Variants in ARPC5L observed in about 807,000 individuals in gnomAD.
The protein encoded by ARPC5L is actin-related protein 2/3 complex subunit 5-like protein.
A neutral mutation model predicts 16.9 loss-of-function variants in ARPC5L; 4 were observed. That is an observed-to-expected ratio of 0.24 (90% CI 0.12 to 0.54). The LOEUF (loss-of-function observed/expected upper bound fraction) is 0.54. Ranked by LOEUF, ARPC5L falls within the 20% of genes least tolerant of loss-of-function variation. The pLI is 0.95. For synonymous variants in ARPC5L, 78 were observed against 82.6 expected (o/e 0.94, Z 0.30); for missense variants, 151 against 201.9 (o/e 0.75, Z 1.53).
chr9:124,864,710 G>T (rs1356622450), intron 2 of ARPC5L, among the ~76,000 whole-genome samples: 3 of 151,478 alleles, frequency 2.0e-5, no homozygotes, highest in African/African-American at 7.3e-5. Flanking sequence ...ACGGGGTTTC[G>T]CCAGGGTGGT....
In ARPC5L at chr9:124,862,199, A is replaced by C. The variant is rs531793174; in HGVS notation, c.-1183A>C. The C allele has an allele frequency of 7.4e-6, 3 of 406,942 alleles. No homozygotes were observed. The South Asian group carries it at 1.9e-4, about 26-fold the overall frequency. The allele number at this position is 406,942 out of a possible 1,614,324, so 25.2% of individuals were successfully genotyped here. ...GCGCAGTTGGGGAAACCGAGGCCCA[A>C]CGTGGGCGGCAGCTACCAGAGATGG... On this transcript the variant is annotated 5_prime_UTR_variant, in exon 1 of 6. Coordinates refer to ENST00000353214, the MANE Select transcript of ARPC5L (RefSeq NM_030978.3).
chr9:124,877,062 C>A lies in ARPC5L; in HGVS notation c.*122C>A. ...AAGTAAACTATTTCAGGACATGTAT[C>A]TGCTGAAATGTATTTTATTTTCAAG... On this transcript the variant is annotated 3_prime_UTR_variant, in exon 6 of 6. Coordinates refer to ENST00000353214, the MANE Select transcript of ARPC5L (RefSeq NM_030978.3). The A allele has an allele frequency of 1.4e-6, 1 of 727,418 alleles. No homozygotes were observed. 45.1% of individuals were successfully genotyped at this position (727,418 alleles called of 1,614,324 possible). A position where few individuals can be genotyped will look rare whatever the true frequency, so the allele number is the denominator to read the frequency against.
chr9:124,873,963 C>A (rs529644021), intron 4 of ARPC5L, among the ~76,000 whole-genome samples, 199 bp downstream of exon 4: 1 of 152,292 alleles, frequency 6.6e-6, no homozygotes, highest in East Asian at 1.9e-4. Context: ...TATACGAGAA[C>A]CTCCCCACAG....
intron 3 of ARPC5L, chr9:124,873,463 G>A (rs1273579202): frequency 1.2e-5 from 7 of 577,100 alleles, no homozygotes; most frequent in Non-Finnish European, 1.6e-5. Flanking sequence ...TTGCTTTGAC[G>A]TGGAAGGTAG....
intron 1 of ARPC5L, 56 bp from the exon 2 acceptor site, chr9:124,863,932 C>T (rs1829237469): frequency 2.0e-5 from 3 of 152,246 alleles, no homozygotes; most frequent in Non-Finnish European, 4.4e-5. Flanking sequence ...GCAATCCTTT[C>T]CTTAGCCCCA....
chr9:124,874,707 TTC>T (rs35052557), intron 4 of ARPC5L, among the ~76,000 whole-genome samples: 21 of 149,248 alleles, frequency 1.4e-4, no homozygotes, highest in East Asian at 3.9e-4. Flanking sequence ...CTCTTTTCTC[TTC>T]TCTCTCTCTC....
intron 3 of ARPC5L, 94 bp from the exon 4 acceptor site, chr9:124,873,598 T>C (rs750092104): frequency 4.9e-6 from 7 of 1,419,908 alleles, no homozygotes; most frequent in Non-Finnish European, 6.0e-6. Context: ...TGAGATCCCA[T>C]CTGACTCTGT....
At position 124,862,147 on chromosome 9, in the gene ARPC5L, T is replaced by C. The variant is rs1213347294; in HGVS notation, c.-1235T>C. 2 of 483,246 alleles carry C rather than the reference T, an allele frequency of 4.1e-6. No individual in the cohort carries two copies. The highest frequency in any genetic ancestry group is 3.9e-5 in the Admixed American group (1 of 25,490). The allele number at this position is 483,246 out of a possible 1,614,324, so 29.9% of individuals were successfully genotyped here. A position where few individuals can be genotyped will look rare whatever the true frequency, so the allele number is the denominator to read the frequency against. On this transcript the variant is annotated 5_prime_UTR_variant, in exon 1 of 6. Coordinates refer to ENST00000353214, the MANE Select transcript of ARPC5L (RefSeq NM_030978.3). The stretch of plus-strand genomic sequence containing the variant: ...CTCGCCTCATTCACGGCACCCCTGA[T>C]AGCGAGGTCGGCGTCACGGTGTAGG...
chr9:124,863,821 C>T (rs1829235884), intron 1 of ARPC5L, among the ~76,000 whole-genome samples, 167 bp from the exon 2 acceptor site: 1 of 152,190 alleles, frequency 6.6e-6, no homozygotes, highest in Admixed American at 6.5e-5. Flanking sequence ...GACATGCCAC[C>T]TCTTAGAGTT....
chr9:124,863,323 T>C (rs1450657005), intron 1 of ARPC5L, among the ~76,000 whole-genome samples: 1 of 152,008 alleles, frequency 6.6e-6, no homozygotes, highest in African/African-American at 2.4e-5. Context: ...CCCAGCTAAA[T>C]TTTTGTATTT....
At chr9:124,873,451 A>C in intron 3 of ARPC5L, 2 of 565,524 alleles carry the variant, frequency 3.5e-6, no homozygotes, top group South Asian at 2.0e-5. Flanking sequence ...CCTCCAGGAC[A>C]GTTGCTTTGA....
In ARPC5L at chr9:124,877,058, G is replaced by C. The variant is rs1349550468; in HGVS notation, c.*118G>C. ...TCCCAAGTAAACTATTTCAGGACAT[G>C]TATCTGCTGAAATGTATTTTATTTT... On this transcript the variant is annotated 3_prime_UTR_variant, in exon 6 of 6. Transcript: ENST00000353214. 1 of 741,528 alleles carries C rather than the reference G, an allele frequency of 1.3e-6. No individual in the cohort carries two copies. Among genetic ancestry groups the C allele is most frequent in the African/African-American group, 1.8e-5 (1 of 55,718 alleles). 45.9% of individuals were successfully genotyped at this position (741,528 alleles called of 1,614,324 possible).
chr9:124,872,634 G>T (rs1829376169), intron 3 of ARPC5L: 1 of 152,166 alleles, frequency 6.6e-6, no homozygotes, highest in Non-Finnish European at 1.5e-5. Context: ...GGTTATCAGT[G>T]GCTGATATCA....
In ARPC5L at chr9:124,877,660, C is replaced by T. The variant is rs1323613331; in HGVS notation, c.*720C>T. On this transcript the variant is annotated 3_prime_UTR_variant, in exon 6 of 6. Coordinates refer to ENST00000353214, the MANE Select transcript of ARPC5L (RefSeq NM_030978.3). ...AATAAACTATTTATTGTTTCTTATT[C>T]CTTTGATTTGTATGTAATTAATTTT... The T allele has an allele frequency of 6.6e-6, 1 of 152,162 alleles. No individual in the cohort carries two copies. The highest frequency in any genetic ancestry group is 1.5e-5 in the Non-Finnish European group (1 of 68,030). The allele number at this position is 152,162 out of a possible 1,614,324, so 9.4% of individuals were successfully genotyped here.
chr9:124,874,190 G>C (rs1464476856), intron 4 of ARPC5L, among the ~76,000 whole-genome samples: 1 of 152,234 alleles, frequency 6.6e-6, no homozygotes, highest in African/African-American at 2.4e-5. Flanking sequence ...ATTTGGTTCA[G>C]AGAAAGGGGT....
chr9:124,871,512 G>A (rs550085956), intron 3 of ARPC5L, among the ~76,000 whole-genome samples: 1 of 152,250 alleles, frequency 6.6e-6, no homozygotes, highest in African/African-American at 2.4e-5. Context: ...CGTGTAGACA[G>A]CTTAGTTTTG....
chr9:124,872,289 A>G (rs1829371272), intron 3 of ARPC5L, among the ~76,000 whole-genome samples: 1 of 152,102 alleles, frequency 6.6e-6, no homozygotes, highest in Admixed American at 6.6e-5. Context: ...CTTTGGGGAC[A>G]CCACATTAGA....
In ARPC5L at chr9:124,871,901, C is replaced by G. The variant is rs779769004; in HGVS notation, c.150-1791C>G. 1.5e-4 allele frequency among the ~76,000 whole-genome samples: 23 copies of G among 152,100 alleles called. 1 individual carries two copies. The highest frequency in any genetic ancestry group is 2.4e-4 in the Non-Finnish European group (16 of 68,026). ...CCTGGGTCCACAGTGTCAGTTGTGC[C>G]GTGATTGAGGAAGATCTAGAGGAGA... is the stretch of plus-strand genomic sequence containing the variant. On this transcript the variant is annotated intron_variant, in intron 3 of 5. Coordinates refer to ENST00000353214, the MANE Select transcript of ARPC5L (RefSeq NM_030978.3).
chr9:124,875,250 T>G, intron 5 of ARPC5L, 99 bp downstream of exon 5: 1 of 1,373,924 alleles, frequency 7.3e-7, no homozygotes, highest in Non-Finnish European at 1.0e-6. Flanking sequence ...GACGGTCTGA[T>G]AGGCGTGTGG....
Sources: gnomAD v4.1 joint callset for allele counts (sites outside exome capture counted in the v4.1 genomes callset) on GRCh38, gnomAD v4.1.1 for gene constraint, MANE v1.5 for transcripts, NCBI Gene and HGNC (gene_info 2026-07-23, HGNC 2026-07-21) for gene names.